CRPPA: variants seen among roughly 807,000 people sequenced by gnomAD.
CRPPA encodes CDP-L-ribitol pyrophosphorylase A, also known as D-ribitol-5-phosphate cytidylyltransferase.
In CRPPA, 43 loss-of-function variants were observed where a neutral mutation model predicts 52.0. The ratio of observed to expected loss-of-function variants is 0.83; its 90% CI spans 0.65 to 1.07. The LOEUF (loss-of-function observed/expected upper bound fraction) is 1.07, where lower values mean the gene tolerates loss of function less well. Ranked by LOEUF, CRPPA falls within the 50% of genes least tolerant of loss-of-function variation. The probability of loss-of-function intolerance (pLI) is 0.00; values close to 1 mark genes in which losing one functional copy is unlikely to be tolerated. For missense variants in CRPPA, 629 were observed against 551.7 expected (o/e 1.14, Z -1.40); for synonymous variants, 250 against 203.5 (o/e 1.23, Z -1.94).
chr7:16,115,178 T>G (rs1782345900), intron 9 of CRPPA, among the ~76,000 whole-genome samples: 1 of 152,144 alleles, frequency 6.6e-6, no homozygotes, highest in Non-Finnish European at 1.5e-5. Context: ...TAACTAAATT[T>G]GGAAATTAGT....
chr7:16,165,344 C>G (rs1219281598), intron 9 of CRPPA, among the ~76,000 whole-genome samples: 4 of 151,894 alleles, frequency 2.6e-5, no homozygotes, highest in Non-Finnish European at 5.9e-5. Context: ...ATAAAACAAG[C>G]AAACTAGCAA....
At chr7:16,133,444 T>G (rs1310510976) in intron 9 of CRPPA, among the ~76,000 whole-genome samples, 1 of 124,922 alleles carries the variant, frequency 8.0e-6, no homozygotes, top group African/African-American at 2.6e-5. Context: ...TGCATAAAAT[T>G]AAGTGTAATA....
At position 16,364,588 on chromosome 7, in the gene CRPPA, C is replaced by T. The variant is rs138889856; in HGVS notation, c.684+11504G>A. Among the ~76,000 whole-genome samples the T allele has an allele frequency of 2.6e-4, 40 of 152,286 alleles. 1 individual carries two copies. Among genetic ancestry groups the T allele is most frequent in the African/African-American group, 9.6e-4 (40 of 41,558 alleles). On this transcript the variant is annotated intron_variant, in intron 3 of 9. Coordinates refer to ENST00000407010, the MANE Select transcript of CRPPA (RefSeq NM_001101426.4). ...CTTGCAGGTTGCTCAGTGAAATTGG[C>T]ATGATACAGATGTGATAGGTAATGT...
chr7:16,286,097 A>ATATATATATATATATATATAT lies in CRPPA; in HGVS notation c.836-7872_836-7871insATATATATATATATATATATA, dbSNP rs1554309941. Reference sequence around the variant, plus strand: ...TATATATATAATATTTAAAAAAAAAAATATATATATATATATATATGCCAA... The same window carrying ATATATATATATATATATATAT: ...TATATATATAATATTTAAAAAAAAAATATATATATATATATATATATATATATATATATATATATATGCCAA... On this transcript the variant is annotated intron_variant, in intron 5 of 9. Coordinates refer to ENST00000407010, the MANE Select transcript of CRPPA (RefSeq NM_001101426.4). 3.8e-4 allele frequency among the ~76,000 whole-genome samples: 15 copies of ATATATATATATATATATATAT among 39,116 alleles called. 1 individual carries two copies. The highest frequency in any genetic ancestry group is 1.5e-3 in the African/African-American group (8 of 5,448). The allele number at this position is 39,116 out of a possible 152,430, so 25.7% of individuals were successfully genotyped here. A position where few individuals can be genotyped will look rare whatever the true frequency, so the allele number is the denominator to read the frequency against.
Position 16,406,320 on chromosome 7 carries a change from T to C in CRPPA, c.275A>G (p.Asp92Gly). Reference sequence around the variant, plus strand: ...CTCTCCAGTTACTGCCACAACAATGTCCTTTATCCAACATACTCTAAAAGG... The same window carrying C: ...CTCTCCAGTTACTGCCACAACAATGCCCTTTATCCAACATACTCTAAAAGG... ...QALERVCWIK[D>G]IVVAVTGENM... is the part of the protein sequence containing the mutation. The change falls in exon 2 of 10, where the codon GAC becomes GGC. Residue 92 changes from aspartate (D) to glycine (G), a missense_variant. Physicochemically the swap from Asp to Gly is moderately conservative, Grantham distance 94. Transcript: ENST00000407010. The C allele has an allele frequency of 6.2e-7, 1 of 1,613,562 alleles. No homozygotes were observed.
intron 9 of CRPPA, among the ~76,000 whole-genome samples, chr7:16,159,195 T>G (rs1466277540): frequency 3.3e-5 from 5 of 152,130 alleles, no homozygotes; most frequent in African/African-American, 1.2e-4. Flanking sequence ...GGTGGGCAGA[T>G]CACCTAAGGT....
At chr7:16,399,665 TGGCC>T (rs1787741917) in intron 2 of CRPPA, among the ~76,000 whole-genome samples, 2 of 151,884 alleles carry the variant, frequency 1.3e-5, no homozygotes, top group African/African-American at 4.8e-5. Context: ...GTGTGACACG[TGGCC>T]GACGCATGAC....
chr7:16,095,309 T>A (rs1293104493), intron 9 of CRPPA, among the ~76,000 whole-genome samples: 1 of 152,208 alleles, frequency 6.6e-6, no homozygotes, highest in African/African-American at 2.4e-5. Context: ...TTGCTGCTAT[T>A]TATATACAGC....
chr7:16,218,938 A>G lies in CRPPA; in HGVS notation c.1120-2741T>C, dbSNP rs1209476289. Among the ~76,000 whole-genome samples, 1,000 of 150,058 alleles carry G rather than the reference A, an allele frequency of 6.7e-3. 17 individuals carry two copies. Among genetic ancestry groups the G allele is most frequent in the African/African-American group, 0.024 (974 of 40,792 alleles). On this transcript the variant is annotated intron_variant, in intron 8 of 9. Coordinates refer to ENST00000407010, the MANE Select transcript of CRPPA (RefSeq NM_001101426.4). ...AATTGAACTCAGCTCTGCACCAAGCAGACCTAATAGACATCTATAGAACTC... is the reference window on the plus strand; with the variant it reads ...AATTGAACTCAGCTCTGCACCAAGCGGACCTAATAGACATCTATAGAACTC...
chr7:16,142,080 G>C (rs548700518), intron 9 of CRPPA, among the ~76,000 whole-genome samples: 2 of 151,978 alleles, frequency 1.3e-5, no homozygotes, highest in Non-Finnish European at 2.9e-5. Context: ...GGCATAGCTA[G>C]CTCCACAAGT....
At chr7:16,160,061 T>C (rs1166241815) in intron 9 of CRPPA, among the ~76,000 whole-genome samples, 1 of 152,196 alleles carries the variant, frequency 6.6e-6, no homozygotes, top group Non-Finnish European at 1.5e-5. Flanking sequence ...AGATTCTGGA[T>C]ATTAGCGCTT....
At position 16,258,398 on chromosome 7, in the gene CRPPA, C is replaced by T. The variant is rs1483605750; in HGVS notation, c.1111G>A (p.Val371Ile). The T allele has an allele frequency of 1.3e-6, 2 of 1,591,868 alleles. No homozygotes were observed. The highest frequency in any genetic ancestry group is 1.7e-6 in the Non-Finnish European group (2 of 1,166,624). The change falls in exon 8 of 10, where the codon GTT (valine) becomes ATT (isoleucine). Residue 371 changes from valine to isoleucine, a missense_variant. Coordinates refer to ENST00000407010, the MANE Select transcript of CRPPA (RefSeq NM_001101426.4). The stretch of plus-strand genomic sequence containing the variant: ...GCATTAATTTCACTTACTGAAACAA[C>T]AACAACAGGATATAAAATGCAAAGA... ...SSLCILYPVVVVSVHFLDFKL... is the reference protein window; with the variant it reads ...SSLCILYPVVIVSVHFLDFKL...
chr7:16,143,623 T>C (rs556230010), intron 9 of CRPPA, among the ~76,000 whole-genome samples: 3 of 152,324 alleles, frequency 2.0e-5, no homozygotes, highest in African/African-American at 4.8e-5. Context: ...GATGGAGATA[T>C]TGGTTTCTGT....
intron 3 of CRPPA, among the ~76,000 whole-genome samples, chr7:16,333,589 G>A (rs941426292): frequency 6.6e-6 from 1 of 152,128 alleles, no homozygotes; most frequent in African/African-American, 2.4e-5. Flanking sequence ...GCATGTATTA[G>A]AAAGAATAAA....
intron 9 of CRPPA, among the ~76,000 whole-genome samples, chr7:16,160,019 GT>G (rs377415752): frequency 2.8e-4 from 42 of 151,084 alleles, no homozygotes; most frequent in South Asian, 2.1e-3. Flanking sequence ...ACTTTTTGAT[GT>G]TTTTTTTTCT....
intron 9 of CRPPA, among the ~76,000 whole-genome samples, chr7:16,211,717 T>A (rs775981116): frequency 6.6e-6 from 1 of 152,148 alleles, no homozygotes; most frequent in Non-Finnish European, 1.5e-5. Flanking sequence ...TGGATGTCAG[T>A]GGTACCCTAT....
chr7:16,200,947 A>G (rs1331443130), intron 9 of CRPPA, among the ~76,000 whole-genome samples: 1 of 152,184 alleles, frequency 6.6e-6, no homozygotes, highest in East Asian at 1.9e-4. Flanking sequence ...ATTCTTGTTC[A>G]TTTATGTTAT....
chr7:16,220,673 A>C (rs1782474274), intron 8 of CRPPA, among the ~76,000 whole-genome samples: 1 of 145,208 alleles, frequency 6.9e-6, no homozygotes, highest in Non-Finnish European at 1.5e-5. Context: ...GAGCCAAATC[A>C]TGAGTGAACT....
intron 9 of CRPPA, among the ~76,000 whole-genome samples, chr7:16,141,566 A>C (rs1782872144): frequency 1.3e-5 from 2 of 152,224 alleles, no homozygotes; most frequent in South Asian, 4.1e-4. Context: ...CATATCAAGA[A>C]GGCATCATAT....
Sources: gnomAD v4.1 joint callset for allele counts (sites outside exome capture counted in the v4.1 genomes callset) on GRCh38, gnomAD v4.1.1 for gene constraint, MANE v1.5 for transcripts, NCBI Gene and HGNC (gene_info 2026-07-23, HGNC 2026-07-21) for gene names.